Variants in SCN9A observed in about 807,000 individuals in gnomAD.
SCN9A encodes sodium channel protein type 9 subunit alpha.
In SCN9A, 131 loss-of-function variants were observed where a neutral mutation model predicts 187.0. The observed-to-expected ratio is 0.70, with a 90% confidence interval of 0.61 to 0.81. SCN9A has a LOEUF of 0.81. Ranked by LOEUF, SCN9A falls within the 30% of genes least tolerant of loss-of-function variation. The pLI is 0.00. For missense variants in SCN9A, 2,252 were observed against 2,396.6 expected, an observed-to-expected ratio of 0.94 and a Z score of 1.26; for synonymous variants, 809 against 808.6, an observed-to-expected ratio of 1.00 and a Z score of -0.01.
chr2:166,257,095 A>G (rs1488784839), intron 17 of SCN9A, among the ~76,000 whole-genome samples: 1 of 151,608 alleles, frequency 6.6e-6, no homozygotes, highest in African/African-American at 2.4e-5. Flanking sequence ...ATTGATATTC[A>G]AGGGCTCTCT....
At chr2:166,219,390 CA>C (rs201383256) in intron 24 of SCN9A, among the ~76,000 whole-genome samples, 6 of 149,522 alleles carry the variant, frequency 4.0e-5, no homozygotes, top group African/African-American at 1.2e-4. Context: ...TGCAGCCATT[CA>C]AAAAAAAACG....
At chr2:166,307,944 T>C (rs1698810918) in intron 2 of SCN9A, among the ~76,000 whole-genome samples, 1 of 152,160 alleles carries the variant, frequency 6.6e-6, no homozygotes, top group African/African-American at 2.4e-5. Context: ...ACTTTCTAAA[T>C]TTTATATAGG....
chr2:166,287,749 A>G (rs1378705840), intron 10 of SCN9A, among the ~76,000 whole-genome samples: 1 of 151,912 alleles, frequency 6.6e-6, no homozygotes, highest in Non-Finnish European at 1.5e-5. Flanking sequence ...ATCTATGACA[A>G]CCTAAATTAG....
intron 1 of SCN9A, among the ~76,000 whole-genome samples, chr2:166,372,984 A>G (rs149811195): frequency 6.6e-6 from 1 of 152,294 alleles, no homozygotes; most frequent in East Asian, 1.9e-4. Flanking sequence ...ACACGGGACA[A>G]CCTACTTTTA....
At chr2:166,240,258 T>A (rs1695506730) in intron 19 of SCN9A, among the ~76,000 whole-genome samples, 1 of 152,166 alleles carries the variant, frequency 6.6e-6, no homozygotes, top group Non-Finnish European at 1.5e-5. Flanking sequence ...AAATGAGAGC[T>A]ATTACTTCTT....
chr2:166,288,361 G>T, intron 10 of SCN9A, 76 bp downstream of exon 10: 1 of 1,124,760 alleles, frequency 8.9e-7, no homozygotes. Context: ...AGAAGGCCAA[G>T]CATATACCGC....
At chr2:166,237,388 A>G (rs1427422761) in intron 20 of SCN9A, among the ~76,000 whole-genome samples, 1 of 152,044 alleles carries the variant, frequency 6.6e-6, no homozygotes, top group Non-Finnish European at 1.5e-5. Context: ...TGTATTTTCC[A>G]TCATCCAAGT....
At chr2:166,252,013 T>TA (rs1159425623) in intron 17 of SCN9A, 128 bp from the exon 18 acceptor site, 5 of 1,003,542 alleles carry the variant, frequency 5.0e-6, no homozygotes, top group South Asian at 1.6e-5. Context: ...ATGATGGCCA[T>TA]AAAAAATGTA....
In SCN9A at chr2:166,220,623, T is replaced by G. The variant is rs1328960267; in HGVS notation, c.4398+5944A>C. 2.6e-5 allele frequency among the ~76,000 whole-genome samples: 4 copies of G among 152,316 alleles called. No individual in the cohort carries two copies. In the East Asian group the frequency reaches 7.7e-4, roughly 29 times the overall value. On this transcript the variant is annotated intron_variant, in intron 24 of 26. Coordinates refer to ENST00000642356, the MANE Select transcript of SCN9A (RefSeq NM_001365536.1). Reference sequence around the variant, plus strand: ...ATTATAAATTACCCAGTCTGTGGTATTCTGTTATAGTAGCACAAATGGATG... The same window carrying G: ...ATTATAAATTACCCAGTCTGTGGTAGTCTGTTATAGTAGCACAAATGGATG...
chr2:166,251,740 A>C, intron 18 of SCN9A, 25 bp downstream of exon 18: 1 of 1,611,982 alleles, frequency 6.2e-7, no homozygotes, highest in South Asian at 1.1e-5. Context: ...AGGAATGCTA[A>C]CCAAGGTCTC....
chr2:166,224,101 A>C (rs1694744045), intron 24 of SCN9A, among the ~76,000 whole-genome samples: 1 of 152,182 alleles, frequency 6.6e-6, no homozygotes, highest in African/African-American at 2.4e-5. Flanking sequence ...AACATTAACA[A>C]GCAGGAAGAT....
intron 9 of SCN9A, among the ~76,000 whole-genome samples, chr2:166,289,364 T>C (rs1697935144): frequency 6.6e-6 from 1 of 151,848 alleles, no homozygotes; most frequent in Non-Finnish European, 1.5e-5. Flanking sequence ...GGCCCCAGTG[T>C]GTGATGATCT....
intron 1 of SCN9A, among the ~76,000 whole-genome samples, chr2:166,373,454 A>G (rs1000879014): frequency 6.6e-6 from 1 of 152,056 alleles, no homozygotes; most frequent in East Asian, 1.9e-4. Flanking sequence ...CAGGATTCCA[A>G]GTAAATTATG....
At chr2:166,241,845 G>A (rs867338511) in intron 19 of SCN9A, among the ~76,000 whole-genome samples, 1 of 152,086 alleles carries the variant, frequency 6.6e-6, no homozygotes, top group African/African-American at 2.4e-5. Context: ...TGTGAAAGTT[G>A]ATCATACAAA....
intron 1 of SCN9A, among the ~76,000 whole-genome samples, chr2:166,340,602 C>CT (rs112373468): frequency 9.9e-5 from 4 of 40,212 alleles, no homozygotes; most frequent in Non-Finnish European, 1.9e-4. Flanking sequence ...TTCTTTCTTT[C>CT]TTTTTCTTTC....
chr2:166,338,208 T>C (rs367584747), intron 1 of SCN9A, among the ~76,000 whole-genome samples: 122 of 152,204 alleles, frequency 8.0e-4, no homozygotes, highest in African/African-American at 2.7e-3. Context: ...GCTTCAAAAT[T>C]GCTTGTCTCA....
chr2:166,289,782 T>G (rs2106495410), intron 9 of SCN9A, among the ~76,000 whole-genome samples: 1 of 152,288 alleles, frequency 6.6e-6, no homozygotes, highest in East Asian at 1.9e-4. Flanking sequence ...CATTCCTATT[T>G]CTCCACATTT....
intron 1 of SCN9A, among the ~76,000 whole-genome samples, chr2:166,363,710 C>A (rs1453739707): frequency 1.3e-5 from 2 of 151,898 alleles, no homozygotes; most frequent in Non-Finnish European, 2.9e-5. Context: ...ACCAATGAAT[C>A]ACAGACCTAA....
chr2:166,234,171 C>G, intron 20 of SCN9A, among the ~76,000 whole-genome samples: 1 of 152,028 alleles, frequency 6.6e-6, no homozygotes, highest in Admixed American at 6.6e-5. Context: ...GAGTTCTTAT[C>G]GTAAATTATC....
Sources: allele counts gnomAD v4.1 joint callset (sites outside exome capture counted in the v4.1 genomes callset), GRCh38; gene constraint gnomAD v4.1.1; transcripts MANE v1.5; gene names NCBI Gene and HGNC (gene_info 2026-07-23, HGNC 2026-07-21).